Variants in MED12L observed in about 807,000 individuals in gnomAD.
The protein encoded by MED12L is mediator complex subunit 12L.
Under a neutral mutation model 281.3 loss-of-function variants are expected in MED12L, and 60 were observed. The ratio of observed to expected loss-of-function variants is 0.21; its 90% CI spans 0.17 to 0.26. MED12L has a LOEUF of 0.26. MED12L is among the 10% of genes least tolerant of loss of function. MED12L has a pLI of 1.00. For missense variants in MED12L, 2,146 were observed against 2,680.9 expected (o/e 0.80, Z 4.41); for synonymous variants, 974 against 987.2 (o/e 0.99, Z 0.25).
At position 151,214,348 on chromosome 3, in the gene MED12L, G is replaced by A. The variant is rs767349172; in HGVS notation, c.2250+20682G>A. The A allele has an allele frequency of 4.4e-6, 7 of 1,592,874 alleles. No homozygotes were observed. In the African/African-American group the frequency reaches 9.4e-5, roughly 21 times the overall value. ...ACTTCTGAAGGCAGAGGCCTGAAAA[G>A]AGGTGTGAACTGGTCACTCATAGGG... On this transcript the variant is annotated intron_variant, in intron 16 of 44. Coordinates refer to ENST00000687756, the MANE Select transcript of MED12L (RefSeq NM_001393769.1).
At chr3:151,242,568 A>G (rs1050965833) in intron 16 of MED12L, among the ~76,000 whole-genome samples, 1 of 152,228 alleles carries the variant, frequency 6.6e-6, no homozygotes, top group Non-Finnish European at 1.5e-5. Flanking sequence ...TGTCTGTTAC[A>G]AGGAAAACTA....
intron 16 of MED12L, among the ~76,000 whole-genome samples, chr3:151,236,265 A>G (rs937471680): frequency 4.6e-5 from 7 of 152,228 alleles, no homozygotes; most frequent in African/African-American, 1.7e-4. Context: ...GAGTTTGTTC[A>G]GCACTTCTAG....
intron 2 of MED12L, among the ~76,000 whole-genome samples, chr3:151,111,710 T>C (rs1711924617): frequency 1.3e-5 from 2 of 152,160 alleles, no homozygotes; most frequent in Admixed American, 6.5e-5. Context: ...GACACTTCAG[T>C]ATGGAGCTCA....
rs1406794886 is a variant in MED12L, at chr3:151,409,693, T to G, written c.5910+361T>G. ...TCATATTTGGGCTGGACTCAGTGGC[T>G]CATGCCTGTAATCTGCACTTTGAGA... is the stretch of plus-strand genomic sequence containing the variant. On this transcript the variant is annotated intron_variant, in intron 40 of 44. Coordinates refer to ENST00000687756, the MANE Select transcript of MED12L (RefSeq NM_001393769.1). Among the ~76,000 whole-genome samples the G allele has an allele frequency of 2.6e-5, 4 of 152,328 alleles. No individual in the cohort carries two copies. The East Asian group carries it at 7.7e-4, about 29-fold the overall frequency.
intron 5 of MED12L, among the ~76,000 whole-genome samples, chr3:151,140,591 G>A (rs1716781104): frequency 6.6e-6 from 1 of 152,208 alleles, no homozygotes; most frequent in Non-Finnish European, 1.5e-5. Flanking sequence ...ATGCTGGTGT[G>A]TGGTTGTGGT....
chr3:151,428,793 T>C (rs1468214630), intron 43 of MED12L, among the ~76,000 whole-genome samples: 1 of 152,226 alleles, frequency 6.6e-6, no homozygotes, highest in African/African-American at 2.4e-5. Context: ...CACTTTAGTG[T>C]ATATCCCAAA....
chr3:151,094,737 T>G (rs1297985261), intron 2 of MED12L, among the ~76,000 whole-genome samples: 1 of 152,178 alleles, frequency 6.6e-6, no homozygotes, highest in African/African-American at 2.4e-5. Flanking sequence ...GGGGATAGGA[T>G]TAAGGATGAT....
chr3:151,268,187 A>T (rs1449539925), intron 16 of MED12L, among the ~76,000 whole-genome samples: 1 of 152,092 alleles, frequency 6.6e-6, no homozygotes, highest in Non-Finnish European at 1.5e-5. Flanking sequence ...AATCCTATAA[A>T]ATAATGCCAG....
At chr3:151,317,435 A>ATTTT (rs1748411128) in intron 16 of MED12L, among the ~76,000 whole-genome samples, 4 of 54,542 alleles carry the variant, frequency 7.3e-5, no homozygotes, top group Non-Finnish European at 1.5e-4. Context: ...TAATCATATC[A>ATTTT]CTTTTTTTTT....
chr3:151,232,794 G>T (rs1167241870), intron 16 of MED12L, among the ~76,000 whole-genome samples: 1 of 152,146 alleles, frequency 6.6e-6, no homozygotes, highest in Non-Finnish European at 1.5e-5. Flanking sequence ...AGGATGGAGG[G>T]TGGGAGGAGG....
At chr3:151,432,638 C>T (rs1719664536) in intron 44 of MED12L, 114 bp from the exon 45 acceptor site, 4 of 753,752 alleles carry the variant, frequency 5.3e-6, no homozygotes, top group African/African-American at 5.2e-5. Flanking sequence ...ACTCTCCGGC[C>T]ATTCTGTTTC....
At position 151,436,376 on chromosome 3, in the gene MED12L, A is replaced by AT. The variant is rs1720213524; in HGVS notation, c.*3579dup. On this transcript the variant is annotated 3_prime_UTR_variant, in exon 45 of 45. Coordinates refer to ENST00000687756, the MANE Select transcript of MED12L (RefSeq NM_001393769.1). ...ACTAGGCAACTGGTATTAGAAGTTC[A>AT]TTTTTTTACTGAAAAATTCAGGTAC... 7 of 228,420 alleles carry AT rather than the reference A, an allele frequency of 3.1e-5. No homozygotes were observed. Among genetic ancestry groups the AT allele is most frequent in the South Asian group, 2.2e-4 (3 of 13,490 alleles). The allele number at this position is 228,420 out of a possible 1,614,324, so 14.1% of individuals were successfully genotyped here. A position where few individuals can be genotyped will look rare whatever the true frequency, so the allele number is the denominator to read the frequency against.
Position 151,226,533 on chromosome 3 carries a change from G to A in MED12L, c.2250+32867G>A, listed in dbSNP as rs184322053. Reference sequence around the variant, plus strand: ...CTGCTCCTGAAAGAATGTGGGGGCAGCATGTTTTATATGAATGTGATCCTT... The same window carrying A: ...CTGCTCCTGAAAGAATGTGGGGGCAACATGTTTTATATGAATGTGATCCTT... On this transcript the variant is annotated intron_variant, in intron 16 of 44. Transcript: ENST00000687756. Among the ~76,000 whole-genome samples the A allele has an allele frequency of 1.9e-3, 290 of 152,260 alleles. 3 individuals are homozygous for A. Among genetic ancestry groups the A allele is most frequent in the East Asian group, 4.8e-3 (25 of 5,182 alleles).
At chr3:151,159,710 A>T in intron 7 of MED12L, 122 bp from the exon 8 acceptor site, 1 of 890,258 alleles carries the variant, frequency 1.1e-6, no homozygotes, top group Non-Finnish European at 1.7e-6. Flanking sequence ...ATTGGACAGC[A>T]CTTGCTTTAT....
At chr3:151,262,315 C>T (rs1739061874) in intron 16 of MED12L, among the ~76,000 whole-genome samples, 1 of 152,212 alleles carries the variant, frequency 6.6e-6, no homozygotes, top group South Asian at 2.1e-4. Context: ...TATTGTTCAT[C>T]TCCAGTAGCA....
intron 16 of MED12L, among the ~76,000 whole-genome samples, chr3:151,321,656 C>T (rs1231083041): frequency 6.6e-6 from 1 of 152,148 alleles, no homozygotes; most frequent in Non-Finnish European, 1.5e-5. Context: ...TATTATGCCT[C>T]AGGATGTTAT....
intron 16 of MED12L, among the ~76,000 whole-genome samples, chr3:151,268,257 A>T (rs1156421902): frequency 6.6e-6 from 1 of 151,010 alleles, no homozygotes; most frequent in Non-Finnish European, 1.5e-5. Context: ...TATTACTTAT[A>T]TATATATATA....
chr3:151,227,736 C>T (rs1188728859), intron 16 of MED12L, among the ~76,000 whole-genome samples: 4 of 152,218 alleles, frequency 2.6e-5, no homozygotes, highest in Admixed American at 1.3e-4. Context: ...ACTCTAGGGA[C>T]TGCATCTTGG....
intron 16 of MED12L, among the ~76,000 whole-genome samples, chr3:151,211,001 C>T (rs1044859293): frequency 2.0e-5 from 3 of 152,230 alleles, no homozygotes; most frequent in Non-Finnish European, 4.4e-5. Flanking sequence ...CAAGTGTTCC[C>T]TGTTGCCCAC....
Sources: allele counts gnomAD v4.1 joint callset (sites outside exome capture counted in the v4.1 genomes callset), GRCh38; gene constraint gnomAD v4.1.1; transcripts MANE v1.5; gene names NCBI Gene and HGNC (gene_info 2026-07-23, HGNC 2026-07-21).